SPTBN1: variants seen among roughly 807,000 people sequenced by gnomAD.
The protein encoded by SPTBN1 is spectrin beta chain, non-erythrocytic 1.
In SPTBN1, 32 loss-of-function variants were observed where a neutral mutation model predicts 266.4. The ratio of observed to expected loss-of-function variants is 0.12; its 90% CI spans 0.09 to 0.16. The LOEUF (loss-of-function observed/expected upper bound fraction) is 0.16, where lower values mean the gene tolerates loss of function less well. Ranked by LOEUF, SPTBN1 falls within the 10% of genes least tolerant of loss-of-function variation. The pLI is 1.00. For missense variants in SPTBN1, 2,296 were observed against 3,067.1 expected (o/e 0.75, Z 5.94); for synonymous variants, 1,336 against 1,162.2 (o/e 1.15, Z -3.04).
chr2:54,538,363 G>T (rs1204696888), intron 2 of SPTBN1, among the ~76,000 whole-genome samples: 1 of 152,136 alleles, frequency 6.6e-6, no homozygotes, highest in Non-Finnish European at 1.5e-5. Context: ...AGCATGACAG[G>T]TGCTTAGTAC....
intron 32 of SPTBN1, chr2:54,662,050 T>G (rs1041177770): frequency 1.0e-6 from 1 of 985,326 alleles, no homozygotes; most frequent in African/African-American, 1.7e-5. Flanking sequence ...AATCAGGTGT[T>G]TTCTGTGCTA....
At chr2:54,667,567 A>T in intron 34 of SPTBN1, 37 bp from the exon 35 acceptor site, 1 of 1,604,882 alleles carries the variant, frequency 6.2e-7, no homozygotes, top group East Asian at 2.2e-5. Context: ...TTTCTCTGTA[A>T]TTAAGTGGTG....
rs115511782 is a variant in SPTBN1 at position 54,598,574 on chromosome 2, G to A, written c.149-518G>A. On this transcript the variant is annotated intron_variant, in intron 2 of 35. Transcript: ENST00000356805. ...GTTGCCCAATCCTTTGTAGATGAGG[G>A]AAGCAGTTTTCTGCTGTCTCATGAG... 7.0e-3 allele frequency among the ~76,000 whole-genome samples: 1,063 copies of A among 152,258 alleles called. 2 individuals carry two copies. The highest frequency in any genetic ancestry group is 0.012 in the Admixed American group (189 of 15,298).
In SPTBN1 at chr2:54,525,397, C is replaced by T. The variant is rs149778170; in HGVS notation, c.-47-975C>T. ...AGTAGCTGGGATTATAGGCATGCGC[C>T]ACCACGCCCAGCTAATTTTTTATTT... On this transcript the variant is annotated intron_variant, in intron 1 of 35. Coordinates refer to ENST00000356805, the MANE Select transcript of SPTBN1 (RefSeq NM_003128.3). Among the ~76,000 whole-genome samples, 883 of 152,274 alleles carry T rather than the reference C, an allele frequency of 5.8e-3. 9 individuals are homozygous for T. The highest frequency in any genetic ancestry group is 0.018 in the African/African-American group (757 of 41,556).
intron 30 of SPTBN1, among the ~76,000 whole-genome samples, chr2:54,658,436 C>T (rs1349252195): frequency 2.0e-5 from 3 of 152,168 alleles, no homozygotes; most frequent in Non-Finnish European, 4.4e-5. Flanking sequence ...GAAGCTTAAT[C>T]CTAGCCTGTT....
rs151008583 is a variant in SPTBN1 at position 54,617,165 on chromosome 2, G to A, written c.567-443G>A. ...TACAAACTTCATCCAATTAAGTGGCGTATGGAAGAAAGAAAGCTGAGTGTC... is the reference window on the plus strand; with the variant it reads ...TACAAACTTCATCCAATTAAGTGGCATATGGAAGAAAGAAAGCTGAGTGTC... On this transcript the variant is annotated intron_variant, in intron 5 of 35. Transcript: ENST00000356805. Among the ~76,000 whole-genome samples, 213 of 152,306 alleles carry A rather than the reference G, an allele frequency of 1.4e-3. 3 individuals are homozygous for A. In the South Asian group the frequency reaches 0.036, roughly 26 times the overall value.
chr2:54,650,074 C>T (rs539804754), intron 26 of SPTBN1, 85 bp downstream of exon 26: 3 of 1,487,052 alleles, frequency 2.0e-6, no homozygotes, highest in South Asian at 2.7e-5. Flanking sequence ...CTCCCTGTTC[C>T]TTGGCTCTTC....
Position 54,657,874 on chromosome 2 carries a change from G to A in SPTBN1, c.6071G>A (p.Arg2024Lys). The A allele has an allele frequency of 1.2e-6, 2 of 1,614,236 alleles. No individual in the cohort carries two copies. Among genetic ancestry groups the A allele is most frequent in the Non-Finnish European group, 1.7e-6 (2 of 1,180,040 alleles). ...RLILEVHQFS[R>K]DASVAEAWLL... is the part of the protein sequence containing the mutation. Reference sequence around the variant, plus strand: ...GTTCTGGAGGTCCATCAGTTCTCAAGAGACGCCAGTGTGGCCGAGGCCTGG... The same window carrying A: ...GTTCTGGAGGTCCATCAGTTCTCAAAAGACGCCAGTGTGGCCGAGGCCTGG... Residue 2024 changes from arginine (R) to lysine (K), a missense_variant, in exon 30 of 36, where the codon AGA (arginine) becomes AAA (lysine). This residue lies in a region of SPTBN1 where 644 missense variants were observed against 745.3 expected (regional missense o/e 0.86). Transcript: ENST00000356805.
intron 2 of SPTBN1, among the ~76,000 whole-genome samples, chr2:54,555,877 A>G (rs1292565147): frequency 6.6e-6 from 1 of 152,166 alleles, no homozygotes; most frequent in Non-Finnish European, 1.5e-5. Flanking sequence ...AGTCCCTCCT[A>G]GAGTTCTTCC....
chr2:54,545,023 G>A (rs924659121), intron 2 of SPTBN1, among the ~76,000 whole-genome samples: 15 of 152,106 alleles, frequency 9.9e-5, no homozygotes, highest in African/African-American at 3.4e-4. Context: ...AAGAACAAGC[G>A]GTGTTTGGTT....
intron 12 of SPTBN1, among the ~76,000 whole-genome samples, 199 bp from the exon 13 acceptor site, chr2:54,627,898 T>C (rs535705219): frequency 1.3e-5 from 2 of 151,862 alleles, no homozygotes; most frequent in South Asian, 2.1e-4. Flanking sequence ...TTGTGATAGC[T>C]CTCCTGACTC....
At chr2:54,592,947 T>C (rs1480353941) in intron 2 of SPTBN1, among the ~76,000 whole-genome samples, 1 of 152,174 alleles carries the variant, frequency 6.6e-6, no homozygotes, top group Non-Finnish European at 1.5e-5. Context: ...CCTAATAGTT[T>C]GCTGTGAAGA....
intron 2 of SPTBN1, among the ~76,000 whole-genome samples, chr2:54,579,341 A>T (rs1573456957): frequency 6.6e-6 from 1 of 152,128 alleles, no homozygotes; most frequent in South Asian, 2.1e-4. Context: ...ATCAACTACC[A>T]TTTTTTGGGA....
chr2:54,558,005 G>C lies in SPTBN1; in HGVS notation c.148+31439G>C. ...ACGCTAGAGAGTGAATGAGCCGCGCGGGCCCGGGACCCTTGGGGCTCTTCA... is the reference window on the plus strand; with the variant it reads ...ACGCTAGAGAGTGAATGAGCCGCGCCGGCCCGGGACCCTTGGGGCTCTTCA... On this transcript the variant is annotated intron_variant, in intron 2 of 35. Coordinates refer to ENST00000356805, the MANE Select transcript of SPTBN1 (RefSeq NM_003128.3). This position sits in a 1 kb window ranked among gnomAD's most constrained non-coding sequence, Gnocchi z 4.6. 3.0e-6 allele frequency: 3 copies of C among 985,350 alleles called. No individual in the cohort carries two copies. The highest frequency in any genetic ancestry group is 2.4e-6 in the Non-Finnish European group (2 of 829,904). 61.0% of individuals were successfully genotyped at this position (985,350 alleles called of 1,614,324 possible). A position where few individuals can be genotyped will look rare whatever the true frequency, so the allele number is the denominator to read the frequency against.
intron 2 of SPTBN1, among the ~76,000 whole-genome samples, chr2:54,590,954 G>C (rs1675639133): frequency 6.6e-6 from 1 of 152,222 alleles, no homozygotes. Flanking sequence ...AGGTGGATTA[G>C]AATGCGGAGA....
At chr2:54,492,338 G>GGTTTTTTTTTTTTTTTTTTTTTT (rs1558775035) in intron 1 of SPTBN1, among the ~76,000 whole-genome samples, 1 of 118,112 alleles carries the variant, frequency 8.5e-6, no homozygotes. Flanking sequence ...TTTGTCTGCA[G>GGTTTTTTTTTTTTTTTTTTTTTT]TTGTTTTTTT....
chr2:54,474,943 C>T (rs1431133531), intron 1 of SPTBN1, among the ~76,000 whole-genome samples: 3 of 152,156 alleles, frequency 2.0e-5, no homozygotes, highest in East Asian at 1.9e-4. Context: ...GAGGCTGAGG[C>T]GGGTAGATTG....
At position 54,655,938 on chromosome 2, in the gene SPTBN1, A is replaced by G. The variant is rs767025514; in HGVS notation, c.5986A>G (p.Thr1996Ala). The G allele has an allele frequency of 6.2e-7, 1 of 1,613,370 alleles. No homozygotes were observed. The highest frequency in any genetic ancestry group is 2.2e-5 in the East Asian group (1 of 44,860). ...EEIKEKLLQL[T>A]EKRKEMIDKW... Reference sequence around the variant, plus strand: ...GATCAAGGAAAAATTACTGCAGTTGACGGAAAAGAGGAAAGAAATGATCGA... The same window carrying G: ...GATCAAGGAAAAATTACTGCAGTTGGCGGAAAAGAGGAAAGAAATGATCGA... The change falls in exon 29 of 36, where the codon ACG (threonine) becomes GCG (alanine). Residue 1996 changes from threonine to alanine, a missense_variant. By Grantham distance (58) the Thr-to-Ala change is moderately conservative. Transcript: ENST00000356805.
chr2:54,463,802 G>A (rs7579230), intron 1 of SPTBN1, among the ~76,000 whole-genome samples: 24,499 of 152,102 alleles, frequency 0.16, 2,071 homozygotes, highest in African/African-American at 0.19. Context: ...AGTTCCATCT[G>A]TATTAAACCT....
Sources: allele counts gnomAD v4.1 joint callset (sites outside exome capture counted in the v4.1 genomes callset), GRCh38; gene constraint gnomAD v4.1.1; regional missense constraint gnomAD v4.1.1; non-coding constraint Gnocchi (gnomAD v3.1); transcripts MANE v1.5; gene names NCBI Gene and HGNC (gene_info 2026-07-23, HGNC 2026-07-21).